Variants in RPTOR observed in about 807,000 individuals in gnomAD.
The protein encoded by RPTOR is regulatory associated protein of MTOR complex 1.
RPTOR carries 21 observed loss-of-function variants against 169.9 expected under a neutral mutation model. That is an observed-to-expected ratio of 0.12 (90% confidence interval 0.09 to 0.18). RPTOR has a LOEUF of 0.18. Among genes scored for constraint, RPTOR ranks in the 10% least tolerant of loss-of-function variants. The pLI is 1.00. For missense variants in RPTOR, 1,133 were observed against 1,855.9 expected, an observed-to-expected ratio of 0.61 and a Z score of 7.16; for synonymous variants, 732 against 753.2, an observed-to-expected ratio of 0.97 and a Z score of 0.46.
At chr17:80,771,600 G>A (rs956567426) in intron 6 of RPTOR, among the ~76,000 whole-genome samples, 1 of 150,802 alleles carries the variant, frequency 6.6e-6, no homozygotes, top group Non-Finnish European at 1.5e-5. Flanking sequence ...GTTTACCCTG[G>A]TTGTTTGTGT....
Position 80,574,321 on chromosome 17 carries a change from C to T in RPTOR, c.162+28530C>T, listed in dbSNP as rs531603034. On this transcript the variant is annotated intron_variant, in intron 1 of 33. Transcript: ENST00000306801. ...CTGGGACTACAGGCGCCCGCCACCG[C>T]GCCCGGCTAATTTTTTGTATTTTTT... Among the ~76,000 whole-genome samples the T allele has an allele frequency of 3.4e-3, 520 of 150,776 alleles. 1 individual carries two copies. Among genetic ancestry groups the T allele is most frequent in the African/African-American group, 0.011 (474 of 41,250 alleles).
chr17:80,676,492 T>G (rs1373136850), intron 3 of RPTOR, among the ~76,000 whole-genome samples: 1 of 152,124 alleles, frequency 6.6e-6, no homozygotes, highest in African/African-American at 2.4e-5. Context: ...TGGGTCGTCT[T>G]GGAATTGACA....
intron 3 of RPTOR, among the ~76,000 whole-genome samples, chr17:80,664,457 C>T (rs1485144611): frequency 6.6e-6 from 1 of 152,184 alleles, no homozygotes; most frequent in Non-Finnish European, 1.5e-5. Flanking sequence ...CATCCTGCAG[C>T]CTCGCTCCCT....
Position 80,844,864 on chromosome 17 carries a change from G to A in RPTOR, c.1213-1609G>A, listed in dbSNP as rs1052133755. On this transcript the variant is annotated intron_variant, in intron 10 of 33. Transcript: ENST00000306801. This position sits in a 1 kb window ranked among gnomAD's most constrained non-coding sequence, Gnocchi z 4.7. Reference sequence around the variant, plus strand: ...GATGAGCGGAGGGAGGGTTCCTCCCGACCTCCTCTCAGAGACACGCACCTC... The same window carrying A: ...GATGAGCGGAGGGAGGGTTCCTCCCAACCTCCTCTCAGAGACACGCACCTC... 7.2e-5 allele frequency among the ~76,000 whole-genome samples: 11 copies of A among 152,096 alleles called. No individual in the cohort carries two copies. The highest frequency in any genetic ancestry group is 2.4e-4 in the African/African-American group (10 of 41,422).
chr17:80,736,398 G>C (rs1312250627), intron 5 of RPTOR, among the ~76,000 whole-genome samples: 1 of 152,068 alleles, frequency 6.6e-6, no homozygotes, highest in Non-Finnish European at 1.5e-5. Flanking sequence ...GCTTGCTTGG[G>C]TCCACAGCCT....
At chr17:80,939,725 T>C (rs1400828508) in intron 24 of RPTOR, among the ~76,000 whole-genome samples, 1 of 152,202 alleles carries the variant, frequency 6.6e-6, no homozygotes, top group African/African-American at 2.4e-5. Context: ...GCTGCCTGGT[T>C]CCCTTTGGCA....
rs752281063 is a variant in RPTOR at position 80,820,128 on chromosome 17, T to C, written c.891-2073T>C. 9.2e-5 allele frequency among the ~76,000 whole-genome samples: 14 copies of C among 152,182 alleles called. No homozygotes were observed. Among genetic ancestry groups the C allele is most frequent in the Admixed American group, 7.2e-4 (11 of 15,282 alleles). ...CTTCCTTGCACAGTCGGGCCACTTA[T>C]GTGTTTACTGATCCTAGGCCACAGA... On this transcript the variant is annotated intron_variant, in intron 7 of 33. Coordinates refer to ENST00000306801, the MANE Select transcript of RPTOR (RefSeq NM_020761.3). This position sits in a 1 kb window ranked among gnomAD's most constrained non-coding sequence, Gnocchi z 4.1.
intron 28 of RPTOR, among the ~76,000 whole-genome samples, chr17:80,951,354 C>T (rs73357889): frequency 0.018 from 2,795 of 152,328 alleles, 87 homozygotes; most frequent in African/African-American, 0.064. Context: ...GCAGCACTGA[C>T]GAGAAAAGCG....
intron 6 of RPTOR, among the ~76,000 whole-genome samples, chr17:80,755,515 T>C (rs2066671572): frequency 6.6e-6 from 1 of 151,938 alleles, no homozygotes; most frequent in Admixed American, 6.6e-5. Flanking sequence ...GGCAGGCAGA[T>C]TGCTTGAGGC....
chr17:80,565,407 C>G (rs544684974), intron 1 of RPTOR, among the ~76,000 whole-genome samples: 1 of 152,286 alleles, frequency 6.6e-6, no homozygotes, highest in African/African-American at 2.4e-5. Flanking sequence ...GGTCACACAC[C>G]ATGGGGGGTG....
At chr17:80,782,234 T>C (rs2066948707) in intron 6 of RPTOR, among the ~76,000 whole-genome samples, 1 of 152,180 alleles carries the variant, frequency 6.6e-6, no homozygotes. Flanking sequence ...ACGTGGAAAT[T>C]GACACGGTGG....
At position 80,923,900 on chromosome 17, in the gene RPTOR, G is replaced by A. The variant is rs139508409; in HGVS notation, c.2808+227G>A. The A allele has an allele frequency of 4.2e-4, 233 of 549,526 alleles. 2 individuals carry two copies. The African/African-American group carries it at 4.5e-3, about 11-fold the overall frequency. The allele number at this position is 549,526 out of a possible 1,614,324, so 34.0% of individuals were successfully genotyped here. On this transcript the variant is annotated intron_variant, in intron 23 of 33. Transcript: ENST00000306801. ...TTAGGAGCACTGCTGGGTGTGTCCC[G>A]GTCCCTCTGCCTGCACTCTTTAGGA...
At chr17:80,705,453 T>C (rs951687853) in intron 3 of RPTOR, among the ~76,000 whole-genome samples, 1 of 152,192 alleles carries the variant, frequency 6.6e-6, no homozygotes, top group African/African-American at 2.4e-5. Context: ...GAAAAACTCT[T>C]AAATCTCCTC....
intron 3 of RPTOR, among the ~76,000 whole-genome samples, chr17:80,647,939 T>C (rs1418306384): frequency 2.6e-5 from 4 of 152,194 alleles, no homozygotes; most frequent in Middle Eastern, 3.2e-3. Context: ...AGATTTTGAA[T>C]GTCAGCTTCC....
At position 80,730,967 on chromosome 17, in the gene RPTOR, G is replaced by A. The variant is rs1008810034; in HGVS notation, c.654+261G>A. Among the ~76,000 whole-genome samples, 13 of 152,176 alleles carry A rather than the reference G, an allele frequency of 8.5e-5. No individual in the cohort carries two copies. The highest frequency in any genetic ancestry group is 2.4e-4 in the African/African-American group (10 of 41,444). ...CCAGTCACTGCAATGTCTGTCACCT[G>A]AGCCCAAGCAATCTTCCCTTCTCAG... On this transcript the variant is annotated intron_variant, in intron 5 of 33. Transcript: ENST00000306801. The surrounding 1 kb of genome is among the most constrained non-coding windows in gnomAD (Gnocchi z 4.2).
chr17:80,832,613 T>C (rs1053603864), intron 9 of RPTOR, among the ~76,000 whole-genome samples: 1 of 152,168 alleles, frequency 6.6e-6, no homozygotes, highest in Non-Finnish European at 1.5e-5. Flanking sequence ...AATCGTGCTC[T>C]CCTCTGTTAC....
chr17:80,834,032 T>G (rs1339780209), intron 9 of RPTOR, among the ~76,000 whole-genome samples: 1 of 152,220 alleles, frequency 6.6e-6, no homozygotes, highest in Non-Finnish European at 1.5e-5. Flanking sequence ...ATTTTAGAAT[T>G]TAATGGGTAA....
intron 6 of RPTOR, among the ~76,000 whole-genome samples, chr17:80,781,698 G>A (rs527855959): frequency 9.2e-5 from 14 of 152,256 alleles, no homozygotes; most frequent in African/African-American, 2.4e-4. Context: ...ACTAAATTTC[G>A]ATCCCAACTC....
intron 2 of RPTOR, among the ~76,000 whole-genome samples, chr17:80,634,357 C>CTGTG (rs762949748): frequency 5.1e-5 from 3 of 58,790 alleles, no homozygotes; most frequent in South Asian, 6.2e-4. Flanking sequence ...CATGTGCGTA[C>CTGTG]TGTGTGTGCA....
Sources: gnomAD v4.1 joint callset for allele counts (sites outside exome capture counted in the v4.1 genomes callset) on GRCh38, gnomAD v4.1.1 for gene constraint, Gnocchi (gnomAD v3.1) non-coding constraint, MANE v1.5 for transcripts, NCBI Gene and HGNC (gene_info 2026-07-23, HGNC 2026-07-21) for gene names.